Variants in CHODL observed in about 807,000 individuals in gnomAD.
The protein encoded by CHODL is chondrolectin, also known as transmembrane protein MT75.
Under a neutral mutation model 34.5 loss-of-function variants are expected in CHODL, and 29 were observed. The ratio of observed to expected loss-of-function variants is 0.84; its 90% CI spans 0.63 to 1.15. CHODL has a LOEUF of 1.15. Ranked by LOEUF, CHODL falls within the 50% of genes most tolerant of loss-of-function variation. CHODL has a pLI of 0.00. For missense variants in CHODL, 332 were observed against 332.5 expected (o/e 1.00, Z 0.01); for synonymous variants, 125 against 116.1 (o/e 1.08, Z -0.49).
intron 1 of CHODL, among the ~76,000 whole-genome samples, chr21:18,254,448 G>C (rs2074292679): frequency 6.6e-6 from 1 of 152,074 alleles, no homozygotes; most frequent in South Asian, 2.1e-4. Context: ...AGCAGTCTGG[G>C]CATAAGAAAT....
At chr21:18,046,944 C>A (rs2064451171) in intron 2 of CHODL, among the ~76,000 whole-genome samples, 1 of 151,754 alleles carries the variant, frequency 6.6e-6, no homozygotes, top group Non-Finnish European at 1.5e-5. Context: ...TTTGCTATTT[C>A]TACACCAATC....
intron 1 of CHODL, among the ~76,000 whole-genome samples, chr21:18,000,864 CT>C (rs1172327110): frequency 2.6e-5 from 4 of 152,060 alleles, no homozygotes; most frequent in Admixed American, 1.3e-4. Flanking sequence ...TTCAGAACAG[CT>C]TTTTCTTTTT....
chr21:18,066,761 A>G (rs1048546934), intron 2 of CHODL, among the ~76,000 whole-genome samples: 1 of 152,184 alleles, frequency 6.6e-6, no homozygotes, highest in African/African-American at 2.4e-5. Flanking sequence ...TTAAATTGAA[A>G]TGAGGCTTTT....
chr21:18,099,778 T>A (rs188635697), intron 2 of CHODL, among the ~76,000 whole-genome samples: 1 of 152,226 alleles, frequency 6.6e-6, no homozygotes, highest in African/African-American at 2.4e-5. Context: ...TTTTTTGAAG[T>A]AGTTACTTTG....
intron 2 of CHODL, among the ~76,000 whole-genome samples, chr21:18,145,463 A>T (rs898219257): frequency 6.7e-6 from 1 of 149,542 alleles, no homozygotes; most frequent in Admixed American, 6.7e-5. Flanking sequence ...AAAAAGCGGC[A>T]TTCAATATGA....
intron 1 of CHODL, among the ~76,000 whole-genome samples, chr21:18,249,629 T>C (rs1446462242): frequency 6.6e-6 from 1 of 152,122 alleles, no homozygotes; most frequent in Non-Finnish European, 1.5e-5. Flanking sequence ...ATCCCTTTTG[T>C]TCATGAAATA....
At chr21:17,999,897 T>C (rs1444247394) in intron 1 of CHODL, among the ~76,000 whole-genome samples, 1 of 152,174 alleles carries the variant, frequency 6.6e-6, no homozygotes, top group Non-Finnish European at 1.5e-5. Context: ...TGTGAAGATG[T>C]ACACCAACCT....
At chr21:18,101,391 C>T (rs2065211726) in intron 2 of CHODL, among the ~76,000 whole-genome samples, 1 of 152,040 alleles carries the variant, frequency 6.6e-6, no homozygotes, top group Non-Finnish European at 1.5e-5. Context: ...ATCTTTATTG[C>T]AGTTTTAAAG....
intron 2 of CHODL, among the ~76,000 whole-genome samples, chr21:18,054,507 A>G (rs1362949171): frequency 1.3e-5 from 2 of 152,040 alleles, no homozygotes; most frequent in Non-Finnish European, 2.9e-5. Flanking sequence ...AGACAGGCAC[A>G]GAAGGATAAA....
At chr21:18,028,698 T>TAAAAAA (rs34588468) in intron 2 of CHODL, among the ~76,000 whole-genome samples, 17 of 85,232 alleles carry the variant, frequency 2.0e-4, no homozygotes, top group East Asian at 3.9e-4. Flanking sequence ...AAACTCCATC[T>TAAAAAA]AAAAAAAAAA....
In CHODL at chr21:18,043,814, G is replaced by A. The variant is rs73325243; in HGVS notation, c.-45+15843G>A. On this transcript the variant is annotated intron_variant, in intron 2 of 6. Transcript: ENST00000400127. ...ATGGACCCACAGTTCCACAGGGCTG[G>A]AGAGGCCTTACAATCTTGGCGGAAG... Among the ~76,000 whole-genome samples, 743 of 152,056 alleles carry A rather than the reference G, an allele frequency of 4.9e-3. 9 individuals are homozygous for A. Among genetic ancestry groups the A allele is most frequent in the African/African-American group, 0.017 (705 of 41,526 alleles).
intron 1 of CHODL, among the ~76,000 whole-genome samples, chr21:18,011,274 C>G (rs1297663357): frequency 1.5e-5 from 2 of 129,800 alleles, no homozygotes; most frequent in African/African-American, 7.6e-5. Flanking sequence ...TCGAACATTA[C>G]TTTCAGTTGC....
At chr21:18,191,754 T>C (rs999479578) in intron 2 of CHODL, among the ~76,000 whole-genome samples, 1 of 152,134 alleles carries the variant, frequency 6.6e-6, no homozygotes, top group African/African-American at 2.4e-5. Flanking sequence ...TCTAAAATAG[T>C]CACACTCACA....
intron 2 of CHODL, among the ~76,000 whole-genome samples, chr21:18,191,298 T>C (rs1386863438): frequency 6.6e-6 from 1 of 152,142 alleles, no homozygotes; most frequent in Non-Finnish European, 1.5e-5. Context: ...AGTGTAGGAG[T>C]GCTTTCAAGA....
intron 2 of CHODL, among the ~76,000 whole-genome samples, chr21:18,043,818 G>A (rs1380158119): frequency 6.6e-6 from 1 of 152,066 alleles, no homozygotes; most frequent in African/African-American, 2.4e-5. Context: ...GGGCTGGAGA[G>A]GCCTTACAAT....
At position 18,223,613 on chromosome 21, in the gene CHODL, G is replaced by C. The variant is rs376589987; in HGVS notation, c.-44-32896G>C. 1.8e-3 allele frequency among the ~76,000 whole-genome samples: 279 copies of C among 152,230 alleles called. 2 individuals carry two copies. The highest frequency in any genetic ancestry group is 6.5e-3 in the African/African-American group (271 of 41,548). On this transcript the variant is annotated intron_variant, in intron 2 of 6. Transcript: ENST00000400127. ...CAGCTTAAACTGCAGTTAGGACTTAGAGCACAAGGTGATTTGCAGTAGGTG... is the reference window on the plus strand; with the variant it reads ...CAGCTTAAACTGCAGTTAGGACTTACAGCACAAGGTGATTTGCAGTAGGTG...
rs898472197 is a variant in CHODL, at chr21:18,047,573, G to A, written c.-45+19602G>A. Among the ~76,000 whole-genome samples, 10 of 151,970 alleles carry A rather than the reference G, an allele frequency of 6.6e-5. 1 individual carries two copies. Among genetic ancestry groups the A allele is most frequent in the Admixed American group, 2.0e-4 (3 of 15,232 alleles). On this transcript the variant is annotated intron_variant, in intron 2 of 6. Transcript: ENST00000400127. Reference sequence around the variant, plus strand: ...CAGCAGTTTAGCCGTTTTCTGATTAGAGAAGGGAGGAACACACCATTGGCG... The same window carrying A: ...CAGCAGTTTAGCCGTTTTCTGATTAAAGAAGGGAGGAACACACCATTGGCG...
upstream of CHODL, among the ~76,000 whole-genome samples, chr21:18,244,156 A>G (rs975060357): frequency 1.3e-5 from 2 of 152,352 alleles, no homozygotes; most frequent in African/African-American, 4.8e-5. Context: ...TCACTGATAG[A>G]TGATTGCAAA....
chr21:18,166,150 G>C (rs962939179), intron 2 of CHODL, among the ~76,000 whole-genome samples: 1 of 152,050 alleles, frequency 6.6e-6, no homozygotes, highest in Admixed American at 6.6e-5. Flanking sequence ...TGTGTGGCTC[G>C]GGGCTGAGGA....
Sources: gnomAD v4.1 joint callset for allele counts (sites outside exome capture counted in the v4.1 genomes callset) on GRCh38, gnomAD v4.1.1 for gene constraint, MANE v1.5 for transcripts, NCBI Gene and HGNC (gene_info 2026-07-23, HGNC 2026-07-21) for gene names.